The following RP1 variants were observed in gnomAD, a reference collection of about 807,000 sequenced individuals.
The protein encoded by RP1 is RP1 axonemal microtubule associated.
In RP1, 16 loss-of-function variants were observed where a neutral mutation model predicts 14.8. That is an observed-to-expected ratio of 1.08 (90% CI 0.73 to 1.65). The LOEUF is 1.65. RP1 is among the 40% of genes most tolerant of loss of function. The probability of loss-of-function intolerance (pLI) is 0.00; values close to 1 mark genes in which losing one functional copy is unlikely to be tolerated. For synonymous variants in RP1, 876 were observed against 883.6 expected (o/e 0.99, Z 0.15); for missense variants, 2,631 against 2,535.0 (o/e 1.04, Z -0.81).
upstream of RP1, among the ~76,000 whole-genome samples, chr8:54,613,518 A>T (rs922601645): frequency 1.3e-5 from 2 of 152,212 alleles, no homozygotes; most frequent in Non-Finnish European, 2.9e-5. Context: ...TTCAGAGATG[A>T]TAAAGAAGTT....
intron 3 of RP1, among the ~76,000 whole-genome samples, chr8:54,643,239 T>C (rs434390): frequency 0.26 from 39,147 of 152,126 alleles, 5,367 homozygotes; most frequent in East Asian, 0.42. Context: ...AAGAGATGTA[T>C]GCATTTTAAA....
rs77067933 is a variant in RP1, at chr8:54,717,897, A to G, written c.2212-2232A>G. Among the ~76,000 whole-genome samples, 497 of 152,302 alleles carry G rather than the reference A, an allele frequency of 3.3e-3. 3 individuals are homozygous for G. The highest frequency in any genetic ancestry group is 0.011 in the African/African-American group (478 of 41,576). On this transcript the variant is annotated intron_variant, in intron 15 of 22. Transcript: ENST00000636932. ...AGTAAGTGTTTATAGTGAGGTTGCA[A>G]TGTACGAGGCTAATATACAAATTTT... is the stretch of plus-strand genomic sequence containing the variant.
At chr8:54,648,393 T>C (rs1806590287) in intron 3 of RP1, among the ~76,000 whole-genome samples, 1 of 152,190 alleles carries the variant, frequency 6.6e-6, no homozygotes, top group African/African-American at 2.4e-5. Flanking sequence ...TAGCATTGTT[T>C]TCATTTGTTT....
intron 27 of RP1, among the ~76,000 whole-genome samples, chr8:54,859,517 TCA>T (rs1382874949): frequency 1.3e-5 from 2 of 149,768 alleles, no homozygotes; most frequent in Non-Finnish European, 3.0e-5. Context: ...ATAGGAGGAA[TCA>T]CTGTAGGGCA....
intron 1 of RP1, among the ~76,000 whole-genome samples, chr8:54,577,409 A>G (rs1185666904): frequency 6.6e-6 from 1 of 152,230 alleles, no homozygotes; most frequent in Non-Finnish European, 1.5e-5. Context: ...TGTGATTTAT[A>G]TGTAAGAGGG....
rs117051319 is a variant in RP1 at position 54,708,118 on chromosome 8, G to A, written c.2211+1463G>A. 1.1e-3 allele frequency among the ~76,000 whole-genome samples: 175 copies of A among 152,238 alleles called. 1 individual carries two copies. In the East Asian group the frequency reaches 0.015, roughly 13 times the overall value. ...TACAAGCCTTTCCCTTCTGGGGCTC[G>A]CAGGAGTGTTCAGAACCATGAGATA... On this transcript the variant is annotated intron_variant, in intron 15 of 22. Transcript: ENST00000636932.
At chr8:54,575,927 G>C (rs2129294695) in intron 1 of RP1, among the ~76,000 whole-genome samples, 1 of 152,322 alleles carries the variant, frequency 6.6e-6, no homozygotes. Flanking sequence ...TGTGTGAGCA[G>C]AGAGAAGGCA....
chr8:54,638,644 T>C lies in RP1; in HGVS notation c.788-10341T>C, dbSNP rs149826323. 3.3e-5 allele frequency among the ~76,000 whole-genome samples: 5 copies of C among 152,272 alleles called. No individual in the cohort carries two copies. The East Asian group carries it at 9.7e-4, about 29-fold the overall frequency. The stretch of plus-strand genomic sequence containing the variant: ...CCCTTCCCAAAAGCTTTTAGGACCA[T>C]CTGTTTATTCTGGTATTCTGAAATT... On this transcript the variant is annotated intron_variant, in intron 3 of 22. Transcript: ENST00000636932.
intron 3 of RP1, 37 bp downstream of exon 3, chr8:54,622,325 C>T: frequency 2.5e-6 from 4 of 1,605,584 alleles, no homozygotes; most frequent in Non-Finnish European, 3.4e-6. Flanking sequence ...ATATTTTTAG[C>T]CCTGAGATTT....
downstream of RP1, among the ~76,000 whole-genome samples, chr8:54,631,671 CTT>C (rs77435572): frequency 3.4e-5 from 5 of 145,268 alleles, no homozygotes; most frequent in Non-Finnish European, 6.1e-5. Context: ...CTTTTTACTA[CTT>C]TTTTTTTTTT....
In RP1 at chr8:54,630,810, A is replaced by G; in HGVS notation, c.*457A>G. 1 of 999,558 alleles carries G rather than the reference A, an allele frequency of 1.0e-6. No homozygotes were observed. Among genetic ancestry groups the G allele is most frequent in the South Asian group, 4.3e-5 (1 of 22,990 alleles). 61.9% of individuals were successfully genotyped at this position (999,558 alleles called of 1,614,324 possible). On this transcript the variant is annotated 3_prime_UTR_variant, in exon 4 of 4. Transcript: ENST00000220676. ...TTGATAAAAAGTATGATTATAAGAT[A>G]TCCACGACAATCTCATAGTTTCTTG...
At chr8:54,771,348 T>C (rs1809900271), downstream of RP1, among the ~76,000 whole-genome samples, 1 of 151,998 alleles carries the variant, frequency 6.6e-6, no homozygotes, top group Non-Finnish European at 1.5e-5. Context: ...TGGTGGGGCA[T>C]ATGTGGGTAA....
Position 54,610,651 on chromosome 8 carries a change from C to T in RP1, c.-12-10304C>T, listed in dbSNP as rs371679076. 1.4e-4 allele frequency among the ~76,000 whole-genome samples: 22 copies of T among 152,300 alleles called. No individual in the cohort carries two copies. In the East Asian group the frequency reaches 4.1e-3, roughly 28 times the overall value. On this transcript the variant is annotated intron_variant, in intron 1 of 22. Coordinates refer to the RP1 transcript ENST00000636932. ...CTGAATAATTAGCAACTCCATTCTT[C>T]CAGATGTACTGGACAAAAATCTTAG...
chr8:54,681,633 C>T (rs1807434754), intron 12 of RP1, among the ~76,000 whole-genome samples: 1 of 151,848 alleles, frequency 6.6e-6, no homozygotes, highest in Non-Finnish European at 1.5e-5. Flanking sequence ...ATCAACCCTT[C>T]ACCTAGGCAT....
At chr8:54,568,773 C>G (rs945922483) in intron 1 of RP1, among the ~76,000 whole-genome samples, 31 of 152,236 alleles carry the variant, frequency 2.0e-4, no homozygotes, top group African/African-American at 7.5e-4. Flanking sequence ...AGGATCTTAT[C>G]TCTCCAGTTT....
chr8:54,843,970 C>CA (rs561076611), intron 25 of RP1, among the ~76,000 whole-genome samples: 24 of 152,308 alleles, frequency 1.6e-4, no homozygotes, highest in Admixed American at 1.0e-3. Context: ...AAAGGTTCCA[C>CA]AAAAAATACC....
At chr8:54,699,871 C>G (rs1807970434) in intron 13 of RP1, among the ~76,000 whole-genome samples, 1 of 152,058 alleles carries the variant, frequency 6.6e-6, no homozygotes, top group Non-Finnish European at 1.5e-5. Context: ...GGAGAAAAAA[C>G]AATAATTTTT....
chr8:54,617,071 G>A (rs1216774231), intron 1 of RP1, among the ~76,000 whole-genome samples: 2 of 152,234 alleles, frequency 1.3e-5, no homozygotes, highest in Admixed American at 1.3e-4. Context: ...CTGCAGAGAA[G>A]AAGAGACGAT....
intron 27 of RP1, among the ~76,000 whole-genome samples, chr8:54,861,410 G>T (rs534647026): frequency 1.3e-5 from 2 of 152,258 alleles, no homozygotes; most frequent in South Asian, 4.1e-4. Context: ...TTTGTGACAT[G>T]ATTTTTTTAA....
Sources: allele counts gnomAD v4.1 joint callset (sites outside exome capture counted in the v4.1 genomes callset), GRCh38; gene constraint gnomAD v4.1.1; transcripts MANE v1.5; gene names NCBI Gene and HGNC (gene_info 2026-07-23, HGNC 2026-07-21).